Variants in UGT1A8 observed in about 807,000 individuals in gnomAD.
UGT1A8 encodes the protein UDP-glucuronosyltransferase 1A8.
A neutral mutation model predicts 45.3 loss-of-function variants in UGT1A8; 39 were observed. That is an observed-to-expected ratio of 0.86 (90% CI 0.67 to 1.12). The LOEUF (loss-of-function observed/expected upper bound fraction) is 1.12. Among genes scored for constraint, UGT1A8 ranks in the 50% most tolerant of loss-of-function variants. The pLI, the probability that UGT1A8 is intolerant of heterozygous loss-of-function variation, is 0.00. For synonymous variants in UGT1A8, 275 were observed against 249.2 expected (o/e 1.10, Z -0.97); for missense variants, 719 against 664.9 (o/e 1.08, Z -0.90).
At chr2:233,767,966 A>G in intron 3 of UGT1A8, 30 bp downstream of exon 3, 1 of 1,614,232 alleles carries the variant, frequency 6.2e-7, no homozygotes, top group South Asian at 1.1e-5. Flanking sequence ...TGTATAGGTC[A>G]AACCAGGGTC....
intron 1 of UGT1A8, among the ~76,000 whole-genome samples, chr2:233,714,546 C>A (rs184179436): frequency 6.6e-6 from 1 of 152,158 alleles, no homozygotes; most frequent in East Asian, 1.9e-4. Flanking sequence ...ACCGAAGTGT[C>A]CAATAGAAAT....
intron 1 of UGT1A8, chr2:233,729,486 G>C: frequency 6.2e-7 from 1 of 1,614,202 alleles, no homozygotes; most frequent in Non-Finnish European, 8.5e-7. Context: ...TGAACAATAT[G>C]TCTTTGGTCT....
chr2:233,655,679 C>G (rs1252533106), intron 1 of UGT1A8, among the ~76,000 whole-genome samples: 1 of 152,198 alleles, frequency 6.6e-6, no homozygotes, highest in African/African-American at 2.4e-5. Flanking sequence ...CTGTCCTGGT[C>G]TCCCTGAAGC....
intron 1 of UGT1A8, among the ~76,000 whole-genome samples, chr2:233,658,107 C>T (rs934530342): frequency 4.0e-5 from 6 of 151,394 alleles, no homozygotes; most frequent in Non-Finnish European, 7.4e-5. Context: ...CAACCTCTGC[C>T]TCCTGGGTTC....
chr2:233,628,012 A>T (rs1193286362), intron 1 of UGT1A8, among the ~76,000 whole-genome samples: 1 of 152,086 alleles, frequency 6.6e-6, no homozygotes, highest in African/African-American at 2.4e-5. Context: ...CATGCACTTA[A>T]GCCACACTTC....
intron 1 of UGT1A8, chr2:233,717,656 G>A: frequency 2.5e-6 from 1 of 406,942 alleles, no homozygotes; most frequent in East Asian, 7.2e-5. Context: ...GGACAAGGAA[G>A]CATCAGCAAT....
intron 1 of UGT1A8, among the ~76,000 whole-genome samples, chr2:233,751,378 C>A (rs1694710024): frequency 2.0e-5 from 3 of 152,054 alleles, no homozygotes; most frequent in Non-Finnish European, 2.9e-5. Context: ...AAGGGACTTG[C>A]CTTGTCTCAG....
chr2:233,682,295 T>C, intron 1 of UGT1A8: 1 of 1,614,178 alleles, frequency 6.2e-7, no homozygotes, highest in Non-Finnish European at 8.5e-7. Context: ...TTTTGACTTA[T>C]TTTTTTCAAA....
At chr2:233,704,702 C>A (rs1232515090) in intron 1 of UGT1A8, among the ~76,000 whole-genome samples, 1 of 152,078 alleles carries the variant, frequency 6.6e-6, no homozygotes, top group African/African-American at 2.4e-5. Context: ...GGTATCATTT[C>A]TTAGCCCAAT....
intron 1 of UGT1A8, among the ~76,000 whole-genome samples, chr2:233,715,561 C>T (rs1394505306): frequency 6.6e-6 from 1 of 152,008 alleles, no homozygotes; most frequent in Non-Finnish European, 1.5e-5. Flanking sequence ...TGCTTGAGCC[C>T]AGGAGTCTGA....
intron 1 of UGT1A8, chr2:233,755,291 C>T (rs1483791202): frequency 1.2e-5 from 8 of 651,216 alleles, no homozygotes; most frequent in Non-Finnish European, 1.9e-5. Context: ...AAAGAGCCTG[C>T]GGGGCACTGG....
intron 1 of UGT1A8, among the ~76,000 whole-genome samples, chr2:233,687,089 T>C (rs1384683958): frequency 1.3e-5 from 2 of 152,226 alleles, no homozygotes; most frequent in African/African-American, 4.8e-5. Flanking sequence ...GTACTTCAGC[T>C]GTGACACTTG....
chr2:233,710,549 C>T (rs2076136542), intron 1 of UGT1A8, among the ~76,000 whole-genome samples: 1 of 152,072 alleles, frequency 6.6e-6, no homozygotes. Flanking sequence ...GATCATATGC[C>T]TGTTTTCTTT....
At chr2:233,729,785 T>C (rs767360644) in intron 1 of UGT1A8, 1 of 1,614,014 alleles carries the variant, frequency 6.2e-7, no homozygotes, top group Non-Finnish European at 8.5e-7. Flanking sequence ...CCTCTGGCCC[T>C]GTCCTACATT....
rs1421333211 is a variant in UGT1A8, at chr2:233,745,618, A to T, written c.856-21416A>T. Among the ~76,000 whole-genome samples, 6 of 151,724 alleles carry T rather than the reference A, an allele frequency of 4.0e-5. No individual in the cohort carries two copies. The East Asian group carries it at 1.2e-3, about 29-fold the overall frequency. ...CTTGGCACTTGGTAAGCACACAATG[A>T]ACAGTCATAGAAAGCTGGCCGAGGG... On this transcript the variant is annotated intron_variant, in intron 1 of 4. Coordinates refer to ENST00000373450, the MANE Select transcript of UGT1A8 (RefSeq NM_019076.5).
chr2:233,627,460 C>G (rs1266612481), intron 1 of UGT1A8, among the ~76,000 whole-genome samples: 1 of 152,062 alleles, frequency 6.6e-6, no homozygotes, highest in South Asian at 2.1e-4. Flanking sequence ...TCTCAAATCA[C>G]ATTGGCATCT....
At chr2:233,635,155 C>G (rs2073257308) in intron 1 of UGT1A8, among the ~76,000 whole-genome samples, 1 of 150,770 alleles carries the variant, frequency 6.6e-6, no homozygotes, top group Non-Finnish European at 1.5e-5. Context: ...TTTGTTGGGT[C>G]TCTAAAGAGA....
intron 1 of UGT1A8, chr2:233,743,951 A>T: frequency 7.4e-7 from 1 of 1,344,342 alleles, no homozygotes; most frequent in Non-Finnish European, 9.9e-7. Flanking sequence ...AGGCACTGGC[A>T]CAGCGAGCGG....
chr2:233,704,632 C>T (rs576550936), intron 1 of UGT1A8, among the ~76,000 whole-genome samples: 126 of 152,100 alleles, frequency 8.3e-4, no homozygotes, highest in African/African-American at 2.9e-3. Flanking sequence ...GTTATATTAA[C>T]CTTTTTGCTT....
Sources: gnomAD v4.1 joint callset for allele counts (sites outside exome capture counted in the v4.1 genomes callset) on GRCh38, gnomAD v4.1.1 for gene constraint, MANE v1.5 for transcripts, NCBI Gene and HGNC (gene_info 2026-07-23, HGNC 2026-07-21) for gene names.